SEM1: variants seen among roughly 807,000 people sequenced by gnomAD.
The protein encoded by SEM1 is 26S proteasome complex subunit SEM1.
A neutral mutation model predicts 12.7 loss-of-function variants in SEM1; 3 were observed. The observed-to-expected ratio is 0.24, with a 90% CI of 0.11 to 0.61. The LOEUF (loss-of-function observed/expected upper bound fraction) is 0.61, where lower values mean the gene tolerates loss of function less well. Ranked by LOEUF, SEM1 falls within the 20% of genes least tolerant of loss-of-function variation. SEM1 has a pLI of 0.88. For missense variants in SEM1, 59 were observed against 81.3 expected (o/e 0.73, Z 1.06); for synonymous variants, 30 against 27.8 (o/e 1.08, Z -0.25).
chr7:96,485,940 G>A (rs748671655), intron 2 of SEM1, among the ~76,000 whole-genome samples: 2 of 151,982 alleles, frequency 1.3e-5, no homozygotes, highest in Admixed American at 6.6e-5. Flanking sequence ...TTTTTGTGGG[G>A]GGTAAGGGGG....
intron 2 of SEM1, among the ~76,000 whole-genome samples, chr7:96,635,906 T>G (rs1490881002): frequency 2.0e-5 from 3 of 152,082 alleles, no homozygotes; most frequent in African/African-American, 7.2e-5. Flanking sequence ...AAATAATTGA[T>G]TAAAATTTTA....
At chr7:96,507,058 A>T (rs1361195525) in intron 2 of SEM1, among the ~76,000 whole-genome samples, 4 of 151,732 alleles carry the variant, frequency 2.6e-5, no homozygotes, top group South Asian at 2.1e-4. Flanking sequence ...TCTCTTTATT[A>T]AAAAAAATTA....
chr7:96,595,304 G>A (rs1332773360), intron 2 of SEM1, among the ~76,000 whole-genome samples: 1 of 152,118 alleles, frequency 6.6e-6, no homozygotes, highest in South Asian at 2.1e-4. Context: ...CTTGAGCCCA[G>A]GCATTTGAGA....
At chr7:96,607,092 T>C (rs1196592272) in intron 2 of SEM1, among the ~76,000 whole-genome samples, 1 of 152,194 alleles carries the variant, frequency 6.6e-6, no homozygotes, top group East Asian at 1.9e-4. Flanking sequence ...TTGCCTCTCT[T>C]TATCAGCAGG....
rs1326026771 is a variant in SEM1, at chr7:96,648,736, G to A, written c.171-26093C>T. ...TGGATGGATACTTGTGAAAATAAGT[G>A]AAAGAAGAAGGACTGAGCAGAAACC... On this transcript the variant is annotated intron_variant, in intron 2 of 2. Coordinates refer to the SEM1 transcript ENST00000417009. Among the ~76,000 whole-genome samples the A allele has an allele frequency of 2.6e-5, 4 of 152,280 alleles. No homozygotes were observed. In the East Asian group the frequency reaches 7.7e-4, roughly 29 times the overall value.
intron 2 of SEM1, among the ~76,000 whole-genome samples, chr7:96,667,733 A>T (rs956329034): frequency 9.9e-5 from 15 of 152,228 alleles, no homozygotes; most frequent in African/African-American, 3.1e-4. Flanking sequence ...CCACATTGCT[A>T]AATCACATGG....
downstream of SEM1, among the ~76,000 whole-genome samples, chr7:96,683,855 G>A (rs530731882): frequency 5.9e-4 from 89 of 152,084 alleles, no homozygotes; most frequent in South Asian, 1.5e-3. Context: ...ACAGGGAGGA[G>A]ATCACACACT....
At chr7:96,567,365 C>T (rs1412780194) in intron 2 of SEM1, among the ~76,000 whole-genome samples, 1 of 151,436 alleles carries the variant, frequency 6.6e-6, no homozygotes, top group South Asian at 2.1e-4. Context: ...ATGTAACTTT[C>T]ACTTATACAT....
rs886521521 is a variant in SEM1 at position 96,607,704 on chromosome 7, C to T, written c.170+87094G>A. ...TCCGGCAGCTGGTCATGGAGATACT[C>T]TCTTCCTTGAGTCACTTTTGCCCAT... On this transcript the variant is annotated intron_variant and NMD_transcript_variant, in intron 2 of 3. Transcript: ENST00000466986. Among the ~76,000 whole-genome samples the T allele has an allele frequency of 7.9e-5, 12 of 152,162 alleles. 1 individual carries two copies. Among genetic ancestry groups the T allele is most frequent in the Admixed American group, 7.2e-4 (11 of 15,278 alleles).
intron 2 of SEM1, among the ~76,000 whole-genome samples, chr7:96,678,789 G>A (rs1789519543): frequency 6.6e-6 from 1 of 151,972 alleles, no homozygotes. Context: ...TAAGAAAAAA[G>A]CTTTACATGG....
chr7:96,560,701 G>GT (rs558618046), intron 2 of SEM1, among the ~76,000 whole-genome samples: 34 of 146,786 alleles, frequency 2.3e-4, no homozygotes, highest in African/African-American at 2.5e-4. Flanking sequence ...TCTGTCTCAA[G>GT]TTTTTTTTTT....
chr7:96,591,329 G>T (rs2116136428), intron 2 of SEM1, among the ~76,000 whole-genome samples: 1 of 152,230 alleles, frequency 6.6e-6, no homozygotes, highest in South Asian at 2.1e-4. Flanking sequence ...TAACTTCTGA[G>T]GTTTTAAAAC....
chr7:96,577,904 T>C (rs964974234), intron 2 of SEM1, among the ~76,000 whole-genome samples: 6 of 151,662 alleles, frequency 4.0e-5, no homozygotes, highest in Non-Finnish European at 8.8e-5. Flanking sequence ...ACTAAGATTA[T>C]AGGAGTAGAA....
chr7:96,662,635 A>G (rs562867505), intron 2 of SEM1, among the ~76,000 whole-genome samples: 1 of 152,322 alleles, frequency 6.6e-6, no homozygotes, highest in South Asian at 2.1e-4. Flanking sequence ...ATGTATATCT[A>G]CATAACAAAC....
chr7:96,485,536 CTTTTTTTTTTTTT>C (rs61088450), intron 2 of SEM1, among the ~76,000 whole-genome samples: 1 of 76,704 alleles, frequency 1.3e-5, no homozygotes. Context: ...TCTCTACATT[CTTTTTTTTTTTTT>C]TTTTTTTTTT....
chr7:96,488,366 TA>T (rs1489520746), intron 1 of SEM1, among the ~76,000 whole-genome samples: 1 of 152,290 alleles, frequency 6.6e-6, no homozygotes, highest in Admixed American at 6.5e-5. Flanking sequence ...TAATTATTTC[TA>T]TCAAGGTAGT....
chr7:96,524,235 C>G (rs1804374376), intron 2 of SEM1, among the ~76,000 whole-genome samples: 1 of 152,098 alleles, frequency 6.6e-6, no homozygotes, highest in Non-Finnish European at 1.5e-5. Context: ...TTTCTCTCCT[C>G]CGAATTCTCA....
chr7:96,548,677 A>C (rs1050096527), intron 2 of SEM1, among the ~76,000 whole-genome samples: 5 of 152,094 alleles, frequency 3.3e-5, no homozygotes, highest in African/African-American at 9.7e-5. Context: ...TAGTTTTTTT[A>C]ATTGTCCTCT....
intron 2 of SEM1, among the ~76,000 whole-genome samples, chr7:96,677,368 T>G (rs1230155890): frequency 6.6e-6 from 1 of 152,186 alleles, no homozygotes; most frequent in Non-Finnish European, 1.5e-5. Flanking sequence ...GTGACTTAGG[T>G]TTTGGACTTT....
Sources: gnomAD v4.1 joint callset for allele counts (sites outside exome capture counted in the v4.1 genomes callset) on GRCh38, gnomAD v4.1.1 for gene constraint, MANE v1.5 for transcripts, NCBI Gene and HGNC (gene_info 2026-07-23, HGNC 2026-07-21) for gene names.